The following PCLO variants were observed in gnomAD, a reference collection of about 807,000 sequenced individuals.
The protein encoded by PCLO is piccolo presynaptic cytomatrix protein, also known as protein piccolo.
PCLO carries 82 observed loss-of-function variants against 427.5 expected under a neutral mutation model. The observed-to-expected ratio is 0.19, with a 90% CI of 0.16 to 0.23. The LOEUF (loss-of-function observed/expected upper bound fraction) is 0.23. PCLO is among the 10% of genes least tolerant of loss of function. The pLI is 1.00. For synonymous variants in PCLO, 2,357 were observed against 2,155.4 expected, an observed-to-expected ratio of 1.09 and a Z score of -2.59; for missense variants, 6,239 against 6,115.9, an observed-to-expected ratio of 1.02 and a Z score of -0.67.
intron 22 of PCLO, among the ~76,000 whole-genome samples, chr7:82,792,120 T>C (rs1397652593): frequency 6.6e-6 from 1 of 152,168 alleles, no homozygotes; most frequent in African/African-American, 2.4e-5. Flanking sequence ...TCAGGAGGTC[T>C]TTAATGAGTG....
intron 20 of PCLO, among the ~76,000 whole-genome samples, chr7:82,807,736 A>G (rs1791483912): frequency 6.6e-6 from 1 of 152,010 alleles, no homozygotes; most frequent in Non-Finnish European, 1.5e-5. Context: ...TAGTTAGTCA[A>G]TTGTATATCA....
chr7:83,030,517 G>A (rs143805327), intron 3 of PCLO, among the ~76,000 whole-genome samples: 4 of 152,022 alleles, frequency 2.6e-5, no homozygotes, highest in African/African-American at 4.8e-5. Flanking sequence ...TAGCCCTTTT[G>A]TGTCTGTTCA....
intron 3 of PCLO, among the ~76,000 whole-genome samples, chr7:83,100,120 A>T (rs2116483461): frequency 6.6e-6 from 1 of 152,298 alleles, no homozygotes; most frequent in Non-Finnish European, 1.5e-5. Context: ...AATGTTGCTC[A>T]ATTAAAAAAT....
intron 3 of PCLO, among the ~76,000 whole-genome samples, chr7:83,067,132 A>G (rs2116337355): frequency 6.6e-6 from 1 of 152,352 alleles, no homozygotes. Flanking sequence ...TCCCCAAGAT[A>G]TCTCATTATG....
chr7:83,101,540 A>G (rs577237199), intron 3 of PCLO, among the ~76,000 whole-genome samples: 1 of 152,262 alleles, frequency 6.6e-6, no homozygotes, highest in African/African-American at 2.4e-5. Context: ...AAGTATTTTT[A>G]CTCCAAAAAC....
chr7:82,871,180 CA>C (rs1333090179), intron 10 of PCLO, among the ~76,000 whole-genome samples: 1 of 151,802 alleles, frequency 6.6e-6, no homozygotes, highest in Non-Finnish European at 1.5e-5. Flanking sequence ...CAGCACTATT[CA>C]AAATAGCCAA....
At position 82,965,758 on chromosome 7, in the gene PCLO, A is replaced by C; in HGVS notation, c.4017+13T>G. On this transcript the variant is annotated intron_variant, in intron 4 of 24. Coordinates refer to ENST00000333891, the MANE Select transcript of PCLO (RefSeq NM_033026.6). ...CACATGAGAGTGTGAGAAGTTAGTA[A>C]AATTTAACTTACTGTTTTTTCTTTC... is the stretch of plus-strand genomic sequence containing the variant. 2 of 1,556,482 alleles carry C rather than the reference A, an allele frequency of 1.3e-6. No homozygotes were observed. The highest frequency in any genetic ancestry group is 1.7e-6 in the Non-Finnish European group (2 of 1,148,680).
At chr7:82,842,134 C>T (rs1792382690) in intron 13 of PCLO, among the ~76,000 whole-genome samples, 1 of 152,060 alleles carries the variant, frequency 6.6e-6, no homozygotes, top group African/African-American at 2.4e-5. Flanking sequence ...TACTTGATTT[C>T]AAAATCTACT....
intron 22 of PCLO, among the ~76,000 whole-genome samples, chr7:82,763,352 T>C (rs1790468988): frequency 6.6e-6 from 1 of 152,048 alleles, no homozygotes; most frequent in African/African-American, 2.4e-5. Context: ...TTTCAGCGTA[T>C]TTTGAAAATA....
intron 9 of PCLO, 132 bp from the exon 10 acceptor site, chr7:82,879,594 C>T: frequency 4.8e-6 from 3 of 623,214 alleles, no homozygotes; most frequent in Non-Finnish European, 8.4e-6. Context: ...GAAATGAACA[C>T]CAAAACCAAA....
At chr7:82,776,448 G>A (rs1790750945) in intron 22 of PCLO, among the ~76,000 whole-genome samples, 1 of 151,758 alleles carries the variant, frequency 6.6e-6, no homozygotes, top group Non-Finnish European at 1.5e-5. Context: ...CAAAAATTGA[G>A]CCAAGGGCAT....
intron 3 of PCLO, among the ~76,000 whole-genome samples, chr7:83,038,043 A>T (rs1788860308): frequency 1.5e-4 from 7 of 46,662 alleles, no homozygotes; most frequent in South Asian, 5.2e-4. Flanking sequence ...ATATATTTAT[A>T]TATATATCTT....
In PCLO at chr7:82,915,771, T is replaced by C; in HGVS notation, c.12215A>G (p.Asp4072Gly). The C allele has an allele frequency of 6.2e-7, 1 of 1,612,386 alleles. No individual in the cohort carries two copies. Among genetic ancestry groups the C allele is most frequent in the South Asian group, 1.1e-5 (1 of 91,000 alleles). ...LSTAFSLHEK[D>G]LSKTDRLLRT... ...AAGGAGACGGTCTGTTTTTGACAGA[T>C]CCTTTTCATGAAGGCTAAATGCGGT... Residue 4072 changes from aspartate to glycine, a missense_variant, in exon 7 of 25, where the codon GAT (aspartate) becomes GGT (glycine). Asp to Gly is a moderately conservative substitution (Grantham distance 94). Around this residue, in one of 5 missense-constraint regions of PCLO, gnomAD observed 680 missense variants for 677.3 expected, o/e 1.00. Coordinates refer to ENST00000333891, the MANE Select transcript of PCLO (RefSeq NM_033026.6).
intron 22 of PCLO, among the ~76,000 whole-genome samples, chr7:82,772,246 C>T (rs1790662359): frequency 6.6e-6 from 1 of 152,106 alleles, no homozygotes. Flanking sequence ...AAAACCCATG[C>T]TTGTCCCATG....
intron 10 of PCLO, among the ~76,000 whole-genome samples, chr7:82,852,217 C>T (rs918597424): frequency 1.3e-5 from 2 of 151,978 alleles, no homozygotes; most frequent in Non-Finnish European, 1.5e-5. Flanking sequence ...TTGAAATATA[C>T]AATAAACTAT....
intron 22 of PCLO, among the ~76,000 whole-genome samples, chr7:82,786,604 T>C (rs1008428907): frequency 6.6e-6 from 1 of 152,174 alleles, no homozygotes; most frequent in African/African-American, 2.4e-5. Context: ...CAACTTTTTG[T>C]TTTGATACTT....
intron 9 of PCLO, among the ~76,000 whole-genome samples, chr7:82,889,518 T>G (rs1793708398): frequency 6.6e-6 from 1 of 152,160 alleles, no homozygotes; most frequent in Non-Finnish European, 1.5e-5. Context: ...AACAATTTCT[T>G]AGTTTGGGAG....
At chr7:82,997,672 A>T (rs1471039781) in intron 3 of PCLO, among the ~76,000 whole-genome samples, 1 of 152,028 alleles carries the variant, frequency 6.6e-6, no homozygotes, top group African/African-American at 2.4e-5. Context: ...TCACCCTCGT[A>T]TCAGTCACAT....
At chr7:82,869,333 A>G (rs1793174122) in intron 10 of PCLO, among the ~76,000 whole-genome samples, 1 of 152,096 alleles carries the variant, frequency 6.6e-6, no homozygotes, top group Non-Finnish European at 1.5e-5. Flanking sequence ...TACAATGACT[A>G]AGTCTCTAAG....
Sources: allele counts gnomAD v4.1 joint callset (sites outside exome capture counted in the v4.1 genomes callset), GRCh38; gene constraint gnomAD v4.1.1; regional missense constraint gnomAD v4.1.1; transcripts MANE v1.5; gene names NCBI Gene and HGNC (gene_info 2026-07-23, HGNC 2026-07-21).